Variants in HS3ST5 observed in about 807,000 individuals in gnomAD.
HS3ST5 encodes heparan sulfate glucosamine 3-O-sulfotransferase 5.
A neutral mutation model predicts 25.4 loss-of-function variants in HS3ST5; 10 were observed. That is an observed-to-expected ratio of 0.39 (90% CI 0.24 to 0.67). The LOEUF (loss-of-function observed/expected upper bound fraction) is 0.67. Among genes scored for constraint, HS3ST5 ranks in the 30% least tolerant of loss-of-function variants. The pLI is 0.44. For missense variants in HS3ST5, 324 were observed against 420.7 expected, an observed-to-expected ratio of 0.77 and a Z score of 2.01; for synonymous variants, 170 against 162.4, an observed-to-expected ratio of 1.05 and a Z score of -0.36.
rs778139287 is a variant in HS3ST5, at chr6:114,057,284, G to T, written c.1014C>A (p.Ile338=). 6.2e-7 allele frequency: 1 copy of T among 1,613,518 alleles called. No individual in the cohort carries two copies. Among genetic ancestry groups the T allele is most frequent in the South Asian group, 1.1e-5 (1 of 91,062 alleles). Residue 338 remains isoleucine (I), a synonymous_variant, in exon 5 of 5, where the codon ATC becomes ATA. Transcript: ENST00000312719. The part of the protein sequence containing the change: ...FHPFNQKFYQ[I]TGRTLNWP ...AGGGCCAGTTCAATGTCCTCCCAGT[G>T]ATCTGGTAAAATTTTTGATTAAAAG...
At chr6:114,272,439 T>A (rs759287490) in intron 1 of HS3ST5, among the ~76,000 whole-genome samples, 1 of 152,120 alleles carries the variant, frequency 6.6e-6, no homozygotes, top group Admixed American at 6.5e-5. Flanking sequence ...GACACACATG[T>A]TTTTAAGCTT....
chr6:114,285,070 T>C (rs1774279767), intron 1 of HS3ST5, among the ~76,000 whole-genome samples: 1 of 152,208 alleles, frequency 6.6e-6, no homozygotes, highest in African/African-American at 2.4e-5. Flanking sequence ...CTGCTAGGCA[T>C]TTATCCAAAA....
At chr6:114,123,758 AC>A (rs1776906899) in intron 3 of HS3ST5, among the ~76,000 whole-genome samples, 1 of 152,106 alleles carries the variant, frequency 6.6e-6, no homozygotes, top group African/African-American at 2.4e-5. Flanking sequence ...TGGAACACAT[AC>A]TCACTTGCAA....
At chr6:114,273,575 T>A (rs1013801267) in intron 1 of HS3ST5, among the ~76,000 whole-genome samples, 3 of 151,800 alleles carry the variant, frequency 2.0e-5, no homozygotes, top group African/African-American at 7.3e-5. Flanking sequence ...TGAGGAGAAA[T>A]AAACAAGATG....
At chr6:114,163,815 C>T (rs1288546727) in intron 3 of HS3ST5, among the ~76,000 whole-genome samples, 1 of 151,966 alleles carries the variant, frequency 6.6e-6, no homozygotes, top group Non-Finnish European at 1.5e-5. Flanking sequence ...TTTTCTTTTT[C>T]ACTCCTAGCC....
rs550165240 is a variant in HS3ST5, at chr6:114,130,812, G to A, written c.-33+37539C>T. Among the ~76,000 whole-genome samples the A allele has an allele frequency of 2.9e-4, 44 of 152,080 alleles. 2 individuals are homozygous for A. The highest frequency in any genetic ancestry group is 1.6e-3 in the East Asian group (8 of 5,150). ...TCTCGATCTCCTGACCATGTGATCC[G>A]CCCACCTTGGCCTCCCAAAGTGCTG... On this transcript the variant is annotated intron_variant, in intron 3 of 4. Transcript: ENST00000312719.
intron 3 of HS3ST5, among the ~76,000 whole-genome samples, chr6:114,079,965 T>A (rs191879370): frequency 2.6e-5 from 4 of 151,952 alleles, no homozygotes; most frequent in Non-Finnish European, 4.4e-5. Flanking sequence ...TTAGTAGAGA[T>A]AGGGTTTCTC....
chr6:114,193,851 C>T (rs1319821217), intron 2 of HS3ST5, among the ~76,000 whole-genome samples: 1 of 152,142 alleles, frequency 6.6e-6, no homozygotes, highest in African/African-American at 2.4e-5. Context: ...CAGGTACTCT[C>T]TTCTACAAAT....
At chr6:114,249,791 A>T (rs1285391222) in intron 1 of HS3ST5, among the ~76,000 whole-genome samples, 1 of 151,474 alleles carries the variant, frequency 6.6e-6, no homozygotes, top group South Asian at 2.1e-4. Context: ...TCTGTCCAAA[A>T]TTTTTTTTTC....
At chr6:114,230,299 A>T (rs1483208970) in intron 1 of HS3ST5, 1 of 152,004 alleles carries the variant, frequency 6.6e-6, no homozygotes, top group Non-Finnish European at 1.5e-5. Flanking sequence ...GAAGACTCTC[A>T]TCTTTGCCTC....
At position 114,259,753 on chromosome 6, in the gene HS3ST5, C is replaced by G. The variant is rs79777251; in HGVS notation, c.-338-30975G>C. Among the ~76,000 whole-genome samples, 1,233 of 152,142 alleles carry G rather than the reference C, an allele frequency of 8.1e-3. 15 individuals are homozygous for G. The highest frequency in any genetic ancestry group is 0.028 in the African/African-American group (1,172 of 41,510). ...GTCCCTAAATACATATATACAGATA[C>G]AGAAGAGATATAGATGTAGACATAG... On this transcript the variant is annotated intron_variant, in intron 1 of 4. Transcript: ENST00000312719.
intron 1 of HS3ST5, among the ~76,000 whole-genome samples, chr6:114,246,509 T>C (rs1175794868): frequency 6.6e-6 from 1 of 152,240 alleles, no homozygotes; most frequent in Non-Finnish European, 1.5e-5. Context: ...CAACTGGCTC[T>C]TGTACTCGGT....
At chr6:114,330,758 T>C (rs1383597537) in intron 1 of HS3ST5, among the ~76,000 whole-genome samples, 1 of 152,150 alleles carries the variant, frequency 6.6e-6, no homozygotes, top group Admixed American at 6.5e-5. Flanking sequence ...TCAAGCCTAC[T>C]GTAGGTATCT....
intron 1 of HS3ST5, among the ~76,000 whole-genome samples, chr6:114,293,765 A>G (rs953952570): frequency 6.6e-6 from 1 of 152,226 alleles, no homozygotes; most frequent in Non-Finnish European, 1.5e-5. Flanking sequence ...TAGTGAACTC[A>G]AAGAAGAGCC....
rs956650397 is a variant in HS3ST5 at position 114,100,438 on chromosome 6, T to TA, written c.-32-37562dup. ...GTATTTCCCCAGAGATGGTCTGATT[T>TA]AAAAAAAAAATCGATATCAACTCTT... is the stretch of plus-strand genomic sequence containing the variant. On this transcript the variant is annotated intron_variant, in intron 3 of 4. Transcript: ENST00000312719. Among the ~76,000 whole-genome samples, 11 of 150,600 alleles carry TA rather than the reference T, an allele frequency of 7.3e-5. No individual in the cohort carries two copies. The East Asian group carries it at 9.7e-4, about 13-fold the overall frequency.
chr6:114,081,623 C>T (rs1774454325), intron 3 of HS3ST5, among the ~76,000 whole-genome samples: 1 of 152,130 alleles, frequency 6.6e-6, no homozygotes, highest in Admixed American at 6.5e-5. Flanking sequence ...AGGAGATAAA[C>T]TAGTTGCTTG....
chr6:114,213,797 G>A (rs1044122865), intron 2 of HS3ST5, among the ~76,000 whole-genome samples: 2 of 152,024 alleles, frequency 1.3e-5, no homozygotes, highest in African/African-American at 2.4e-5. Flanking sequence ...TTATCTCTAC[G>A]ATCCCCAGTC....
chr6:114,217,455 A>G (rs1781824890), intron 2 of HS3ST5, among the ~76,000 whole-genome samples: 1 of 152,218 alleles, frequency 6.6e-6, no homozygotes, highest in Admixed American at 6.5e-5. Flanking sequence ...AAAGTTGTAT[A>G]TTAACAGTTT....
In HS3ST5 at chr6:114,292,582, A is replaced by C. The variant is rs116587619; in HGVS notation, c.-339+49613T>G. On this transcript the variant is annotated intron_variant, in intron 1 of 4. Coordinates refer to ENST00000312719, the MANE Select transcript of HS3ST5 (RefSeq NM_153612.4). ...TCAAAAAGTGTTCACTGAATGAATA[A>C]ATGAATATTAAGGCATACATTCAAG... Among the ~76,000 whole-genome samples, 836 of 152,340 alleles carry C rather than the reference A, an allele frequency of 5.5e-3. 3 individuals are homozygous for C. The highest frequency in any genetic ancestry group is 0.019 in the African/African-American group (794 of 41,582).
Sources: gnomAD v4.1 joint callset for allele counts (sites outside exome capture counted in the v4.1 genomes callset) on GRCh38, gnomAD v4.1.1 for gene constraint, MANE v1.5 for transcripts, NCBI Gene and HGNC (gene_info 2026-07-23, HGNC 2026-07-21) for gene names.